The following CDH12 variants were observed in gnomAD, a reference collection of about 807,000 sequenced individuals.
CDH12 encodes cadherin 12.
A neutral mutation model predicts 74.1 loss-of-function variants in CDH12; 41 were observed. That is an observed-to-expected ratio of 0.55 (90% CI 0.43 to 0.72). The LOEUF is 0.72. CDH12 is among the 30% of genes least tolerant of loss of function. CDH12 has a pLI of 0.00. For synonymous variants in CDH12, 399 were observed against 355.0 expected, an observed-to-expected ratio of 1.12 and a Z score of -1.39; for missense variants, 945 against 977.2, an observed-to-expected ratio of 0.97 and a Z score of 0.44.
intron 2 of CDH12, among the ~76,000 whole-genome samples, chr5:22,465,597 G>A (rs1745695515): frequency 2.0e-5 from 3 of 152,280 alleles, no homozygotes; most frequent in South Asian, 2.1e-4. Flanking sequence ...AGTGAGCCAC[G>A]ATCATGCCAC....
intron 9 of CDH12, among the ~76,000 whole-genome samples, chr5:21,812,808 G>A (rs1351079255): frequency 1.3e-5 from 2 of 152,156 alleles, no homozygotes; most frequent in Non-Finnish European, 2.9e-5. Context: ...TTCAATAGAT[G>A]TAGGGTGCAG....
At chr5:22,177,348 G>A (rs1300798309) in intron 4 of CDH12, among the ~76,000 whole-genome samples, 2 of 152,080 alleles carry the variant, frequency 1.3e-5, no homozygotes, top group African/African-American at 4.8e-5. Flanking sequence ...AGAAACAGGA[G>A]TAAGTTTCCT....
intron 6 of CDH12, among the ~76,000 whole-genome samples, chr5:21,922,925 GAT>G (rs1281459202): frequency 3.0e-5 from 4 of 131,762 alleles, no homozygotes; most frequent in Non-Finnish European, 6.7e-5. Flanking sequence ...TAAAAAGAAA[GAT>G]GTGTGTATGT....
chr5:21,936,831 T>A lies in CDH12; in HGVS notation c.526+38260A>T, dbSNP rs567559945. 1.5e-3 allele frequency among the ~76,000 whole-genome samples: 231 copies of A among 152,242 alleles called. 1 individual carries two copies. The highest frequency in any genetic ancestry group is 5.2e-3 in the African/African-American group (216 of 41,548). On this transcript the variant is annotated intron_variant, in intron 6 of 14. Transcript: ENST00000382254. Reference sequence around the variant, plus strand: ...TCAGGAGATCTGATGGTTTTATAAGTGGCAGTTTCCCCTGCATGCTCTCTC... The same window carrying A: ...TCAGGAGATCTGATGGTTTTATAAGAGGCAGTTTCCCCTGCATGCTCTCTC...
intron 1 of CDH12, among the ~76,000 whole-genome samples, chr5:22,722,863 T>C (rs148545433): frequency 2.6e-3 from 393 of 152,360 alleles, no homozygotes; most frequent in Non-Finnish European, 4.6e-3. Flanking sequence ...TATGTGTTTA[T>C]GCACCTTGAG....
At chr5:22,828,792 T>A (rs1175918044) in intron 1 of CDH12, among the ~76,000 whole-genome samples, 1 of 152,134 alleles carries the variant, frequency 6.6e-6, no homozygotes, top group Non-Finnish European at 1.5e-5. Context: ...ACAGGAATGA[T>A]GTACATGAAG....
At chr5:22,746,021 A>G (rs1197235621) in intron 1 of CDH12, among the ~76,000 whole-genome samples, 1 of 152,226 alleles carries the variant, frequency 6.6e-6, no homozygotes, top group East Asian at 1.9e-4. Context: ...AAAAATATTT[A>G]CCCTATGTGA....
intron 2 of CDH12, among the ~76,000 whole-genome samples, chr5:22,467,893 A>G (rs538229409): frequency 6.6e-6 from 1 of 152,338 alleles, no homozygotes; most frequent in Admixed American, 6.5e-5. Flanking sequence ...TTAGGTTTCT[A>G]AACAAATCAT....
At chr5:21,882,469 T>C (rs1348535959) in intron 6 of CDH12, 2 of 667,092 alleles carry the variant, frequency 3.0e-6, no homozygotes, top group East Asian at 2.7e-5. Context: ...TATGTTCCAT[T>C]TATAGTACAA....
intron 6 of CDH12, among the ~76,000 whole-genome samples, chr5:21,929,080 C>T (rs1197519780): frequency 6.6e-6 from 1 of 151,490 alleles, no homozygotes; most frequent in Non-Finnish European, 1.5e-5. Flanking sequence ...ATTAGGAAAT[C>T]AAGGGGAAGT....
At chr5:22,167,316 A>C (rs1748740704) in intron 4 of CDH12, among the ~76,000 whole-genome samples, 1 of 152,218 alleles carries the variant, frequency 6.6e-6, no homozygotes, top group East Asian at 1.9e-4. Flanking sequence ...ATTCACGAAG[A>C]GCCAAGGCAT....
At chr5:21,859,055 G>A (rs1231197588) in intron 6 of CDH12, among the ~76,000 whole-genome samples, 1 of 151,826 alleles carries the variant, frequency 6.6e-6, no homozygotes, top group Non-Finnish European at 1.5e-5. Context: ...TCACCATGTT[G>A]TGTGCTAGAT....
chr5:22,566,615 G>T (rs1033261599), intron 1 of CDH12, among the ~76,000 whole-genome samples: 1 of 152,160 alleles, frequency 6.6e-6, no homozygotes. Flanking sequence ...AATCTTCCTA[G>T]AATCTTTCTT....
chr5:22,405,252 C>T lies in CDH12; in HGVS notation c.-333+5G>A. 5 of 828,404 alleles carry T rather than the reference C, an allele frequency of 6.0e-6. No individual in the cohort carries two copies. Among genetic ancestry groups the T allele is most frequent in the Non-Finnish European group, 7.3e-6 (5 of 686,712 alleles). 51.3% of individuals were successfully genotyped at this position (828,404 alleles called of 1,614,324 possible). A position where few individuals can be genotyped will look rare whatever the true frequency, so the allele number is the denominator to read the frequency against. On this transcript the variant is annotated splice_donor_5th_base_variant and intron_variant, in intron 3 of 14. Transcript: ENST00000382254. ...AGAAAAAATCATAACAATCAATTTA[C>T]TTACAAGTTAGAGGCAATTTATTTT...
chr5:22,173,320 A>G (rs1327836443), intron 4 of CDH12, among the ~76,000 whole-genome samples: 2 of 146,676 alleles, frequency 1.4e-5, no homozygotes, highest in Non-Finnish European at 3.0e-5. Flanking sequence ...CATTTTATAA[A>G]TCTAATATAA....
chr5:21,864,266 C>T (rs528692481), intron 6 of CDH12, among the ~76,000 whole-genome samples: 1 of 152,104 alleles, frequency 6.6e-6, no homozygotes, highest in East Asian at 1.9e-4. Flanking sequence ...ACTGGTAAAG[C>T]ACTACTCCTC....
intron 5 of CDH12, among the ~76,000 whole-genome samples, chr5:22,052,888 A>C (rs4133336): frequency 0.24 from 35,978 of 152,008 alleles, 4,408 homozygotes; most frequent in South Asian, 0.33. Context: ...GCAGAGTTCA[A>C]AATCTCTTAG....
intron 1 of CDH12, among the ~76,000 whole-genome samples, chr5:22,620,589 A>C (rs182415742): frequency 6.6e-6 from 1 of 152,270 alleles, no homozygotes; most frequent in Non-Finnish European, 1.5e-5. Flanking sequence ...TGATGTACTT[A>C]TAGTTCATAT....
chr5:22,281,286 C>T (rs116275200), intron 3 of CDH12, among the ~76,000 whole-genome samples: 3,810 of 152,186 alleles, frequency 0.025, 71 homozygotes, highest in African/African-American at 0.051. Flanking sequence ...TGGGCAACAC[C>T]TGGAAGAATT....
Sources: allele counts gnomAD v4.1 joint callset (sites outside exome capture counted in the v4.1 genomes callset), GRCh38; gene constraint gnomAD v4.1.1; transcripts MANE v1.5; gene names NCBI Gene and HGNC (gene_info 2026-07-23, HGNC 2026-07-21).